Variants in PNLDC1 observed in about 807,000 individuals in gnomAD.
PNLDC1 encodes poly(A)-specific ribonuclease PNLDC1.
A neutral mutation model predicts 82.0 loss-of-function variants in PNLDC1; 70 were observed. The observed-to-expected ratio is 0.85, with a 90% CI of 0.70 to 1.04. The LOEUF is 1.04. Among genes scored for constraint, PNLDC1 ranks in the 50% least tolerant of loss-of-function variants. PNLDC1 has a pLI of 0.00. For missense variants in PNLDC1, 631 were observed against 661.1 expected, an observed-to-expected ratio of 0.95 and a Z score of 0.50; for synonymous variants, 280 against 249.3, an observed-to-expected ratio of 1.12 and a Z score of -1.16.
chr6:159,804,611 C>A lies in PNLDC1; in HGVS notation c.435C>A (p.Ile145=), dbSNP rs368398311. 1.9e-6 allele frequency: 3 copies of A among 1,610,758 alleles called. No individual in the cohort carries two copies. Among genetic ancestry groups the A allele is most frequent in the Non-Finnish European group, 2.5e-6 (3 of 1,177,006 alleles). ...AGGAGAAGAAAATTAGACACGATAT[C>A]CTGACTGGGAACTGGAGAGTTCGCA... ...EEQEKKIRHD[I]LTGNWRVRSS... Residue 145 remains isoleucine (I), a synonymous_variant, in exon 6 of 19, where the codon ATC becomes ATA. Transcript: ENST00000392167.
At position 159,818,572 on chromosome 6, in the gene PNLDC1, A is replaced by T. The variant is rs772686417; in HGVS notation, c.1175A>T (p.Glu392Val). 6.2e-7 allele frequency: 1 copy of T among 1,613,726 alleles called. No homozygotes were observed. Among genetic ancestry groups the T allele is most frequent in the South Asian group, 1.1e-5 (1 of 91,076 alleles). ...CCTTGCAGCATCGACCCCGTGCCCG[A>T]GTCATCCTTTCCTCAGTACCTTGAC... ...QKIYHIDPVPESSFPQYLDVL... is the reference protein window; with the variant it reads ...QKIYHIDPVPVSSFPQYLDVL... The change falls in exon 16 of 19, where the codon GAG becomes GTG. Residue 392 changes from glutamate (E) to valine (V), a missense_variant. Coordinates refer to ENST00000392167, the MANE Select transcript of PNLDC1 (RefSeq NM_001271862.2).
chr6:159,813,114 T>C (rs775073444), intron 11 of PNLDC1, among the ~76,000 whole-genome samples: 2 of 152,232 alleles, frequency 1.3e-5, no homozygotes, highest in Non-Finnish European at 2.9e-5. Flanking sequence ...AAGTGAATTA[T>C]CCAGCAAGGA....
chr6:159,814,114 C>T (rs781562697), intron 12 of PNLDC1, among the ~76,000 whole-genome samples: 7 of 152,098 alleles, frequency 4.6e-5, no homozygotes, highest in African/African-American at 1.4e-4. Context: ...CCCAACTTAA[C>T]GACAAAGCCT....
intron 7 of PNLDC1, 103 bp from the exon 8 acceptor site, chr6:159,808,637 A>G: frequency 9.0e-7 from 1 of 1,107,712 alleles, no homozygotes; most frequent in Middle Eastern, 2.8e-4. Context: ...CTCCCTTTCC[A>G]CTTGACCTTT....
chr6:159,815,573 C>G (rs1334921085), intron 12 of PNLDC1, among the ~76,000 whole-genome samples: 2 of 152,228 alleles, frequency 1.3e-5, no homozygotes, highest in Admixed American at 6.5e-5. Context: ...TGAGTGCTGT[C>G]TGCCTCCAGA....
At chr6:159,808,594 C>T in intron 7 of PNLDC1, 146 bp from the exon 8 acceptor site, 2 of 687,234 alleles carry the variant, frequency 2.9e-6, no homozygotes, top group South Asian at 3.6e-5. Flanking sequence ...CCAGGCCCTG[C>T]CACATGGCTC....
chr6:159,808,699 C>G, intron 7 of PNLDC1, 41 bp from the exon 8 acceptor site: 1 of 1,561,140 alleles, frequency 6.4e-7, no homozygotes, highest in Non-Finnish European at 8.8e-7. Flanking sequence ...ACATGCCACA[C>G]GGTTCCAGGT....
At chr6:159,804,379 T>C (rs968945220) in intron 5 of PNLDC1, among the ~76,000 whole-genome samples, 170 bp from the exon 6 acceptor site, 1 of 152,132 alleles carries the variant, frequency 6.6e-6, no homozygotes, top group African/African-American at 2.4e-5. Flanking sequence ...GCTGGGGTTA[T>C]AGGCATGAGC....
At chr6:159,816,624 AACTC>A (rs1478889270) in intron 14 of PNLDC1, 28 bp downstream of exon 14, 2 of 1,552,124 alleles carry the variant, frequency 1.3e-6, no homozygotes, top group African/African-American at 3.2e-5. Flanking sequence ...TTTAAAAGGA[AACTC>A]ACTTTTTTTT....
At chr6:159,813,977 A>T (rs1279602882) in intron 12 of PNLDC1, among the ~76,000 whole-genome samples, 2 of 152,146 alleles carry the variant, frequency 1.3e-5, no homozygotes, top group Non-Finnish European at 2.9e-5. Context: ...GCCAGGCAGG[A>T]GGAGCTGCCA....
intron 12 of PNLDC1, among the ~76,000 whole-genome samples, chr6:159,815,420 C>A (rs934468989): frequency 6.6e-6 from 1 of 152,244 alleles, no homozygotes; most frequent in Admixed American, 6.5e-5. Context: ...CCTCCCTTCA[C>A]ACAAAGGCTT....
chr6:159,818,618 C>T lies in PNLDC1; in HGVS notation c.1221C>T (p.Asn407=). The part of the protein sequence containing the change: ...QYLDVLAPYV[N]QVNLIRAGVP... ...TTGACGTGCTGGCTCCTTACGTGAA[C>T]CAAGTGAACCTCATCCGAGCGGGGG... The change falls in exon 16 of 19, where the codon AAC becomes AAT. Residue 407 remains asparagine (N), a synonymous_variant. Coordinates refer to ENST00000392167, the MANE Select transcript of PNLDC1 (RefSeq NM_001271862.2). The T allele has an allele frequency of 6.2e-7, 1 of 1,613,910 alleles. No homozygotes were observed. Among genetic ancestry groups the T allele is most frequent in the South Asian group, 1.1e-5 (1 of 91,086 alleles).
intron 11 of PNLDC1, 94 bp downstream of exon 11, chr6:159,811,880 GTTTTT>G (rs879546447): frequency 2.5e-5 from 23 of 919,272 alleles, no homozygotes; most frequent in Admixed American, 6.3e-5. Context: ...GTGTTTTTTT[GTTTTT>G]TTTGTTTTGT....
At chr6:159,815,661 C>T (rs1175093933) in intron 12 of PNLDC1, among the ~76,000 whole-genome samples, 5 of 152,126 alleles carry the variant, frequency 3.3e-5, no homozygotes, top group East Asian at 1.9e-4. Flanking sequence ...TCTCCGTAGT[C>T]GCTAGACAGG....
At chr6:159,814,160 G>A (rs558267918) in intron 12 of PNLDC1, among the ~76,000 whole-genome samples, 3 of 152,180 alleles carry the variant, frequency 2.0e-5, no homozygotes, top group Non-Finnish European at 2.9e-5. Context: ...CTCAGCCCAC[G>A]GCAGGCAGGG....
chr6:159,813,680 T>C (rs1388197168), intron 12 of PNLDC1, 24 bp downstream of exon 12: 2 of 1,610,962 alleles, frequency 1.2e-6, no homozygotes, highest in Middle Eastern at 1.7e-4. Flanking sequence ...TTCCTGGAGC[T>C]ACTGCTGGAG....
intron 15 of PNLDC1, among the ~76,000 whole-genome samples, 197 bp downstream of exon 15, chr6:159,817,348 A>G (rs1329343873): frequency 6.6e-6 from 1 of 152,116 alleles, no homozygotes; most frequent in Non-Finnish European, 1.5e-5. Context: ...AGCCCTTCCT[A>G]CCACCCCTGT....
At chr6:159,806,174 AT>A in intron 7 of PNLDC1, 91 bp downstream of exon 7, 9 of 986,194 alleles carry the variant, frequency 9.1e-6, no homozygotes, top group Non-Finnish European at 1.5e-5. Context: ...CTTTCTTGGG[AT>A]CCTGGTCCCA....
chr6:159,813,460 G>A, intron 11 of PNLDC1, 141 bp from the exon 12 acceptor site: 1 of 730,142 alleles, frequency 1.4e-6, no homozygotes, highest in East Asian at 2.6e-5. Context: ...GAATAAGGAT[G>A]GTTGCACCAT....
Sources: allele counts gnomAD v4.1 joint callset (sites outside exome capture counted in the v4.1 genomes callset), GRCh38; gene constraint gnomAD v4.1.1; transcripts MANE v1.5; gene names NCBI Gene and HGNC (gene_info 2026-07-23, HGNC 2026-07-21).